The following MTHFD2L variants were observed in gnomAD, a reference collection of about 807,000 sequenced individuals.
The protein encoded by MTHFD2L is bifunctional methylenetetrahydrofolate dehydrogenase/cyclohydrolase 2, mitochondrial.
Under a neutral mutation model 34.9 loss-of-function variants are expected in MTHFD2L, and 29 were observed. The observed-to-expected ratio is 0.83, with a 90% confidence interval of 0.62 to 1.13. The LOEUF is 1.13. Among genes scored for constraint, MTHFD2L ranks in the 50% most tolerant of loss-of-function variants. The probability of loss-of-function intolerance (pLI) is 0.00; values close to 1 mark genes in which losing one functional copy is unlikely to be tolerated. For missense variants in MTHFD2L, 481 were observed against 446.5 expected, an observed-to-expected ratio of 1.08 and a Z score of -0.70; for synonymous variants, 167 against 155.7, an observed-to-expected ratio of 1.07 and a Z score of -0.54.
Position 74,298,851 on chromosome 4 carries a change from T to C in MTHFD2L, c.932-2846T>C, listed in dbSNP as rs541739456. On this transcript the variant is annotated intron_variant, in intron 7 of 7. Coordinates refer to ENST00000325278, the MANE Select transcript of MTHFD2L (RefSeq NM_001144978.3). ...TTTAGGTCATGATAATACAGTTGCATTGGAATGGGGTGAAATTATGGGATT... is the reference window on the plus strand; with the variant it reads ...TTTAGGTCATGATAATACAGTTGCACTGGAATGGGGTGAAATTATGGGATT... Among the ~76,000 whole-genome samples the C allele has an allele frequency of 3.9e-5, 6 of 152,114 alleles. No homozygotes were observed. The East Asian group carries it at 1.2e-3, about 29-fold the overall frequency.
chr4:74,162,706 A>G (rs1725725632), intron 1 of MTHFD2L, among the ~76,000 whole-genome samples: 1 of 152,194 alleles, frequency 6.6e-6, no homozygotes, highest in African/African-American at 2.4e-5. Flanking sequence ...AAGGAAGTAG[A>G]TAGACACTAT....
chr4:74,287,073 A>G (rs1309624380), intron 7 of MTHFD2L, among the ~76,000 whole-genome samples: 1 of 152,184 alleles, frequency 6.6e-6, no homozygotes, highest in African/African-American at 2.4e-5. Flanking sequence ...AGTCTAATGT[A>G]AAGGTACATT....
At chr4:74,221,085 A>G (rs1738097432) in intron 5 of MTHFD2L, among the ~76,000 whole-genome samples, 1 of 151,194 alleles carries the variant, frequency 6.6e-6, no homozygotes, top group Non-Finnish European at 1.5e-5. Flanking sequence ...AGAATTTTTA[A>G]AAACTTCCAA....
At chr4:74,133,658 CA>C (rs1307713914) in intron 1 of MTHFD2L, among the ~76,000 whole-genome samples, 1 of 151,722 alleles carries the variant, frequency 6.6e-6, no homozygotes, top group Non-Finnish European at 1.5e-5. Context: ...ATTTCTGTTT[CA>C]TTTTTAAATT....
At chr4:74,286,853 T>A (rs16850847) in intron 7 of MTHFD2L, among the ~76,000 whole-genome samples, 3 of 152,102 alleles carry the variant, frequency 2.0e-5, no homozygotes, top group Non-Finnish European at 2.9e-5. Flanking sequence ...TTTCCACTTA[T>A]TGGTTTATAC....
At chr4:74,269,188 C>G (rs1745657560) in intron 6 of MTHFD2L, among the ~76,000 whole-genome samples, 1 of 152,102 alleles carries the variant, frequency 6.6e-6, no homozygotes, top group South Asian at 2.1e-4. Context: ...ATCTCAATTA[C>G]TTTTGAAATT....
chr4:74,287,997 T>C (rs1442473338), intron 7 of MTHFD2L, among the ~76,000 whole-genome samples: 1 of 152,220 alleles, frequency 6.6e-6, no homozygotes, highest in African/African-American at 2.4e-5. Context: ...GAGTCAACCT[T>C]GCCAGGTAGA....
intron 1 of MTHFD2L, among the ~76,000 whole-genome samples, chr4:74,149,146 G>T (rs1723780451): frequency 6.6e-6 from 1 of 151,804 alleles, no homozygotes; most frequent in African/African-American, 2.4e-5. Context: ...TCTCAATTCT[G>T]ATAGTGCCAC....
chr4:74,147,427 T>C (rs2109848658), intron 1 of MTHFD2L, among the ~76,000 whole-genome samples: 1 of 152,298 alleles, frequency 6.6e-6, no homozygotes, highest in Admixed American at 6.5e-5. Flanking sequence ...TGAAGAATCT[T>C]CTACAGCTTG....
At chr4:74,140,365 T>G (rs1241860853) in intron 1 of MTHFD2L, 1 of 189,200 alleles carries the variant, frequency 5.3e-6, no homozygotes, top group Non-Finnish European at 9.8e-6. Context: ...CATAGAAGAG[T>G]GTCTGGCATA....
chr4:74,133,890 CCAGCAG>C (rs1560405331), intron 1 of MTHFD2L, among the ~76,000 whole-genome samples: 1 of 152,072 alleles, frequency 6.6e-6, no homozygotes, highest in Non-Finnish European at 1.5e-5. Context: ...AAGATCTTCA[CCAGCAG>C]CAACCCAGAG....
At chr4:74,221,373 ATAAAT>A (rs1173513937) in intron 5 of MTHFD2L, among the ~76,000 whole-genome samples, 4 of 151,820 alleles carry the variant, frequency 2.6e-5, no homozygotes, top group Non-Finnish European at 4.4e-5. Flanking sequence ...TTATTCAAAA[ATAAAT>A]TAAACAAATA....
At chr4:74,246,274 T>G (rs1262528465) in intron 6 of MTHFD2L, among the ~76,000 whole-genome samples, 1 of 152,018 alleles carries the variant, frequency 6.6e-6, no homozygotes, top group East Asian at 1.9e-4. Context: ...CATAAATGTC[T>G]TCTTTTGAGA....
chr4:74,254,912 A>G (rs1743806303), intron 6 of MTHFD2L, among the ~76,000 whole-genome samples: 1 of 152,090 alleles, frequency 6.6e-6, no homozygotes, highest in African/African-American at 2.4e-5. Flanking sequence ...AGGTGGGCGG[A>G]TCACCTGAGG....
chr4:74,257,597 G>C (rs1578638057), intron 6 of MTHFD2L, among the ~76,000 whole-genome samples: 1 of 152,080 alleles, frequency 6.6e-6, no homozygotes, highest in Admixed American at 6.6e-5. Flanking sequence ...TCAAACTTTA[G>C]CAAACCTAAA....
At chr4:74,162,702 G>A (rs887772385) in intron 1 of MTHFD2L, among the ~76,000 whole-genome samples, 7 of 152,104 alleles carry the variant, frequency 4.6e-5, no homozygotes, top group African/African-American at 1.7e-4. Context: ...ACTAAAGGAA[G>A]TAGATAGACA....
intron 6 of MTHFD2L, among the ~76,000 whole-genome samples, chr4:74,255,967 T>C (rs1468134986): frequency 1.3e-5 from 2 of 152,218 alleles, no homozygotes; most frequent in African/African-American, 2.4e-5. Flanking sequence ...CATATGAGTA[T>C]ATGTCTTTTT....
chr4:74,230,049 A>C (rs991086892), intron 6 of MTHFD2L, among the ~76,000 whole-genome samples: 1 of 152,170 alleles, frequency 6.6e-6, no homozygotes, highest in Non-Finnish European at 1.5e-5. Flanking sequence ...TTATAACTAC[A>C]ATAAGAACTT....
At chr4:74,128,545 C>A (rs1365741989) in intron 1 of MTHFD2L, among the ~76,000 whole-genome samples, 1 of 152,006 alleles carries the variant, frequency 6.6e-6, no homozygotes, top group Non-Finnish European at 1.5e-5. Context: ...TTATTGATAT[C>A]TGGGTTCTCT....
Sources: allele counts gnomAD v4.1 joint callset (sites outside exome capture counted in the v4.1 genomes callset), GRCh38; gene constraint gnomAD v4.1.1; transcripts MANE v1.5; gene names NCBI Gene and HGNC (gene_info 2026-07-23, HGNC 2026-07-21).